Variants in FER observed in about 807,000 individuals in gnomAD.
FER encodes tyrosine-protein kinase Fer.
In FER, 63 loss-of-function variants were observed where a neutral mutation model predicts 111.0. The ratio of observed to expected loss-of-function variants is 0.57; its 90% confidence interval spans 0.46 to 0.70. The LOEUF is 0.70. Ranked by LOEUF, FER falls within the 30% of genes least tolerant of loss-of-function variation. FER has a pLI of 0.00. For missense variants in FER, 914 were observed against 954.0 expected (o/e 0.96, Z 0.55); for synonymous variants, 327 against 313.9 (o/e 1.04, Z -0.44).
chr5:108,872,260 G>T (rs948629752), intron 8 of FER, 48 bp downstream of exon 8: 19 of 1,497,762 alleles, frequency 1.3e-5, no homozygotes, highest in Non-Finnish European at 1.5e-5. Context: ...TATTATTATT[G>T]CTTTATTGTT....
chr5:108,827,822 C>CTTTT lies in FER; in HGVS notation c.208-4932_208-4929dup, dbSNP rs5870331. Among the ~76,000 whole-genome samples the CTTTT allele has an allele frequency of 5.2e-3, 629 of 121,578 alleles. 4 individuals carry two copies. The highest frequency in any genetic ancestry group is 0.016 in the African/African-American group (500 of 31,608). The allele number at this position is 121,578 out of a possible 152,430, so 79.8% of individuals were successfully genotyped here. ...AATATTTAACAGATGGAGTTAGTATCTTTTTTTTTTTTTTTTTTTCCCCCA... is the reference window on the plus strand; with the variant it reads ...AATATTTAACAGATGGAGTTAGTATCTTTTTTTTTTTTTTTTTTTTTTTCCCCCA... On this transcript the variant is annotated intron_variant, in intron 3 of 19. Coordinates refer to ENST00000281092, the MANE Select transcript of FER (RefSeq NM_005246.4).
chr5:108,785,286 A>G (rs1754568663), intron 2 of FER: 1 of 550,528 alleles, frequency 1.8e-6, no homozygotes, highest in Admixed American at 2.3e-5. Flanking sequence ...AAACACCTTT[A>G]TATGCCAGAT....
intron 2 of FER, among the ~76,000 whole-genome samples, chr5:108,769,246 C>G (rs937713065): frequency 1.3e-5 from 2 of 151,998 alleles, no homozygotes; most frequent in Non-Finnish European, 2.9e-5. Flanking sequence ...AAGATGAGAC[C>G]TATTATATGA....
rs556055818 is a variant in FER at position 109,192,109 on chromosome 5, G to A, written c.*4534G>A. The A allele has an allele frequency of 6.6e-6, 1 of 152,146 alleles. No individual in the cohort carries two copies. Among genetic ancestry groups the A allele is most frequent in the South Asian group, 2.1e-4 (1 of 4,828 alleles). The allele number at this position is 152,146 out of a possible 1,614,324, so 9.4% of individuals were successfully genotyped here. On this transcript the variant is annotated 3_prime_UTR_variant, in exon 20 of 20. Coordinates refer to ENST00000281092, the MANE Select transcript of FER (RefSeq NM_005246.4). ...ACTTAATAAGGACTGAGATTCTTGG[G>A]TGGCAGAAAAATCCTGGTGTGCTAG...
rs62375530 is a variant in FER at position 109,096,116 on chromosome 5, C to T, written c.1925-4280C>T. Among the ~76,000 whole-genome samples the T allele has an allele frequency of 6.6e-3, 1,007 of 152,050 alleles. 6 individuals are homozygous for T. Among genetic ancestry groups the T allele is most frequent in the Non-Finnish European group, 9.6e-3 (654 of 67,952 alleles). ...TCACTGAGTTTATGTTTAGTGTGAT[C>T]GGTTCCTCTGAGCCCCATTAATACT... On this transcript the variant is annotated intron_variant, in intron 16 of 19. Transcript: ENST00000281092.
At chr5:109,044,094 T>G (rs1771591396) in intron 14 of FER, among the ~76,000 whole-genome samples, 1 of 152,188 alleles carries the variant, frequency 6.6e-6, no homozygotes, top group African/African-American at 2.4e-5. Flanking sequence ...TAGTCTTGTT[T>G]ATCTTCTCGG....
intron 16 of FER, chr5:109,051,473 A>G (rs959599716): frequency 1.2e-5 from 19 of 1,612,828 alleles, no homozygotes; most frequent in Admixed American, 1.7e-5. Context: ...TGTGCGTGGG[A>G]GTTAGAGATG....
intron 16 of FER, among the ~76,000 whole-genome samples, chr5:109,075,280 T>G (rs1776192409): frequency 6.6e-6 from 1 of 152,216 alleles, no homozygotes. Context: ...CACTTTTCTG[T>G]TGTTATCTAA....
chr5:108,959,098 G>A, intron 12 of FER, 127 bp from the exon 13 acceptor site: 1 of 790,810 alleles, frequency 1.3e-6, no homozygotes, highest in Non-Finnish European at 1.9e-6. Flanking sequence ...TAGTTCAGTA[G>A]TGTTAAGTAT....
chr5:108,874,202 T>C (rs1250117034), intron 8 of FER, among the ~76,000 whole-genome samples: 1 of 152,104 alleles, frequency 6.6e-6, no homozygotes, highest in African/African-American at 2.4e-5. Flanking sequence ...AAATTAAAAA[T>C]AGCTACCTGT....
chr5:109,137,389 G>T (rs1040285232), intron 17 of FER, among the ~76,000 whole-genome samples: 6 of 152,176 alleles, frequency 3.9e-5, no homozygotes, highest in African/African-American at 1.4e-4. Flanking sequence ...TGCCATGTTT[G>T]TTCCTAACCA....
At chr5:109,137,447 T>C (rs561710034) in intron 17 of FER, among the ~76,000 whole-genome samples, 1 of 152,340 alleles carries the variant, frequency 6.6e-6, no homozygotes, top group Middle Eastern at 3.4e-3. Flanking sequence ...CACCAAAGAC[T>C]GTGCTAAGGC....
intron 13 of FER, among the ~76,000 whole-genome samples, chr5:109,012,391 A>G (rs1410570773): frequency 2.0e-5 from 3 of 152,204 alleles, no homozygotes; most frequent in South Asian, 2.1e-4. Context: ...ATTGATGGCA[A>G]GTTTCACGTG....
chr5:108,987,431 A>C (rs1762700012), intron 13 of FER, among the ~76,000 whole-genome samples: 1 of 152,178 alleles, frequency 6.6e-6, no homozygotes, highest in Admixed American at 6.5e-5. Flanking sequence ...GGGCAACAAG[A>C]GCAAAACTCC....
chr5:108,764,119 A>G (rs974778172), intron 1 of FER, among the ~76,000 whole-genome samples: 28 of 152,266 alleles, frequency 1.8e-4, no homozygotes, highest in African/African-American at 6.3e-4. Context: ...CTGGTGATCA[A>G]TGCCACCCAA....
chr5:109,061,093 T>C (rs951906369), intron 16 of FER, among the ~76,000 whole-genome samples: 1 of 152,146 alleles, frequency 6.6e-6, no homozygotes, highest in Admixed American at 6.5e-5. Context: ...TCATTTGTGA[T>C]TGTATGTTGT....
chr5:108,912,012 G>T (rs1751619730), intron 10 of FER, among the ~76,000 whole-genome samples: 1 of 152,084 alleles, frequency 6.6e-6, no homozygotes, highest in South Asian at 2.1e-4. Context: ...ATTGTTACAG[G>T]ATCTGATGGT....
At chr5:108,813,197 G>A (rs1757941024) in intron 3 of FER, among the ~76,000 whole-genome samples, 1 of 152,008 alleles carries the variant, frequency 6.6e-6, no homozygotes, top group South Asian at 2.1e-4. Flanking sequence ...TAAGATTCCT[G>A]TTTGGCAATT....
intron 13 of FER, among the ~76,000 whole-genome samples, chr5:109,027,031 A>C (rs1392646201): frequency 6.6e-6 from 1 of 152,178 alleles, no homozygotes; most frequent in Non-Finnish European, 1.5e-5. Context: ...GCTCCAAAAT[A>C]CCATGTTGTC....
Sources: gnomAD v4.1 joint callset for allele counts (sites outside exome capture counted in the v4.1 genomes callset) on GRCh38, gnomAD v4.1.1 for gene constraint, MANE v1.5 for transcripts, NCBI Gene and HGNC (gene_info 2026-07-23, HGNC 2026-07-21) for gene names.